Variants in MIS18BP1 observed in about 807,000 individuals in gnomAD.
MIS18BP1 encodes MIS18 binding protein 1.
In MIS18BP1, 72 loss-of-function variants were observed where a neutral mutation model predicts 116.1. The ratio of observed to expected loss-of-function variants is 0.62; its 90% confidence interval spans 0.51 to 0.75. The LOEUF is 0.75. Among genes scored for constraint, MIS18BP1 ranks in the 30% least tolerant of loss-of-function variants. MIS18BP1 has a pLI of 0.00. For synonymous variants in MIS18BP1, 386 were observed against 427.0 expected (o/e 0.90, Z 1.18); for missense variants, 1,363 against 1,303.2 (o/e 1.05, Z -0.71).
At chr14:45,243,266 T>C (rs998970608) in intron 2 of MIS18BP1, among the ~76,000 whole-genome samples, 2 of 152,166 alleles carry the variant, frequency 1.3e-5, no homozygotes, top group African/African-American at 4.8e-5. Context: ...CTGTTTCTGG[T>C]TGCTGTGAAT....
chr14:45,208,696 A>G (rs1890594297), intron 14 of MIS18BP1, among the ~76,000 whole-genome samples: 1 of 152,186 alleles, frequency 6.6e-6, no homozygotes, highest in African/African-American at 2.4e-5. Flanking sequence ...TTTGTCCAAA[A>G]TAGTATTCTC....
intron 4 of MIS18BP1, chr14:45,241,407 T>C (rs982096903): frequency 1.3e-5 from 2 of 152,204 alleles, no homozygotes; most frequent in African/African-American, 2.4e-5. Context: ...GAAGTGGAGG[T>C]TGCAGTGAGC....
Position 45,247,188 on chromosome 14 carries a change from G to A in MIS18BP1, c.99C>T (p.Ser33=). The A allele has an allele frequency of 1.9e-6, 3 of 1,612,618 alleles. No individual in the cohort carries two copies. The highest frequency in any genetic ancestry group is 2.5e-6 in the Non-Finnish European group (3 of 1,179,798). The change falls in exon 2 of 17, where the codon AGC becomes AGT. Residue 33 remains serine (S), a synonymous_variant. Coordinates refer to ENST00000310806, the MANE Select transcript of MIS18BP1 (RefSeq NM_018353.5). ...NLPMDAIFFD[S]IPSGTLTPVK... Reference sequence around the variant, plus strand: ...CAGGAGTAAGTGTGCCTGAAGGAATGCTGTCAAAAAAGATTGCATCCATGG... The same window carrying A: ...CAGGAGTAAGTGTGCCTGAAGGAATACTGTCAAAAAAGATTGCATCCATGG...
Position 45,237,733 on chromosome 14 carries a change from T to C in MIS18BP1, c.1144-12A>G, listed in dbSNP as rs377123303. 8.2e-6 allele frequency: 13 copies of C among 1,585,730 alleles called. No individual in the cohort carries two copies. The highest frequency in any genetic ancestry group is 2.7e-5 in the African/African-American group (2 of 73,004). Reference sequence around the variant, plus strand: ...TGTAGCTGAACTACCTAATCAAGTATAAAACAAAGAACATATTTCCTGTAT... The same window carrying C: ...TGTAGCTGAACTACCTAATCAAGTACAAAACAAAGAACATATTTCCTGTAT... On this transcript the variant is annotated splice_polypyrimidine_tract_variant and intron_variant, in intron 4 of 16. Coordinates refer to ENST00000310806, the MANE Select transcript of MIS18BP1 (RefSeq NM_018353.5).
intron 10 of MIS18BP1, 32 bp downstream of exon 10, chr14:45,226,711 T>C (rs1036686690): frequency 1.5e-6 from 2 of 1,318,444 alleles, no homozygotes; most frequent in Admixed American, 7.8e-5. Context: ...AGCTTTCTGC[T>C]TATGATTAAA....
At chr14:45,241,876 G>A in intron 4 of MIS18BP1, 158 bp downstream of exon 4, 1 of 793,554 alleles carries the variant, frequency 1.3e-6, no homozygotes. Flanking sequence ...TGTCACTGCA[G>A]TAAATAATAA....
intron 5 of MIS18BP1, among the ~76,000 whole-genome samples, chr14:45,236,793 C>T (rs908426117): frequency 1.2e-4 from 19 of 152,130 alleles, no homozygotes; most frequent in Admixed American, 2.0e-4. Context: ...TACCATTATC[C>T]ATATTGCACA....
At chr14:45,251,380 CCAGT>C (rs1461182159) in intron 1 of MIS18BP1, among the ~76,000 whole-genome samples, 2 of 151,854 alleles carry the variant, frequency 1.3e-5, no homozygotes, top group East Asian at 1.9e-4. Flanking sequence ...AGAACGTATC[CCAGT>C]CAGTTACAAG....
chr14:45,232,438 AC>A lies in MIS18BP1; in HGVS notation c.1436+294del, dbSNP rs374409499. On this transcript the variant is annotated intron_variant, in intron 7 of 16. Coordinates refer to ENST00000310806, the MANE Select transcript of MIS18BP1 (RefSeq NM_018353.5). The stretch of plus-strand genomic sequence containing the variant: ...TCTCAAAAAAAAAAAAAAAAAAAAA[AC>A]AACAACAAAAAAACTGGCATTTCAA... 1.3e-3 allele frequency: 299 copies of A among 225,160 alleles called. 1 individual carries two copies. The highest frequency in any genetic ancestry group is 1.2e-3 in the Non-Finnish European group (138 of 116,222). 13.9% of individuals were successfully genotyped at this position (225,160 alleles called of 1,614,324 possible).
intron 8 of MIS18BP1, among the ~76,000 whole-genome samples, chr14:45,230,244 T>C (rs1015735579): frequency 2.0e-5 from 3 of 152,192 alleles, no homozygotes; most frequent in East Asian, 1.9e-4. Flanking sequence ...TGTAAGTTAA[T>C]GTTCATACAT....
intron 8 of MIS18BP1, among the ~76,000 whole-genome samples, chr14:45,230,170 A>C (rs905509632): frequency 6.6e-6 from 1 of 152,202 alleles, no homozygotes; most frequent in South Asian, 2.1e-4. Flanking sequence ...TTAAGGCAAA[A>C]TCAGCAGAAA....
chr14:45,209,221 T>C (rs1181043487), intron 14 of MIS18BP1, among the ~76,000 whole-genome samples: 2 of 152,122 alleles, frequency 1.3e-5, no homozygotes, highest in Non-Finnish European at 2.9e-5. Flanking sequence ...TACATACATA[T>C]AGCTTCTATT....
At chr14:45,205,009 A>G (rs570415512) in intron 15 of MIS18BP1, among the ~76,000 whole-genome samples, 3 of 152,254 alleles carry the variant, frequency 2.0e-5, no homozygotes, top group African/African-American at 7.2e-5. Flanking sequence ...GTAAATGGCA[A>G]GTTTGAAGTA....
chr14:45,223,605 A>T (rs1314603891), intron 11 of MIS18BP1, among the ~76,000 whole-genome samples: 1 of 152,156 alleles, frequency 6.6e-6, no homozygotes, highest in Non-Finnish European at 1.5e-5. Flanking sequence ...AAAAAACAAA[A>T]AAATGCATTT....
intron 13 of MIS18BP1, among the ~76,000 whole-genome samples, chr14:45,211,824 AAG>A (rs1242079117): frequency 6.6e-5 from 10 of 152,200 alleles, no homozygotes; most frequent in Admixed American, 2.0e-4. Context: ...AGCAATAGCC[AAG>A]GTGCCTTTGT....
chr14:45,205,532 C>T (rs74497324), intron 15 of MIS18BP1, among the ~76,000 whole-genome samples: 4,354 of 152,114 alleles, frequency 0.029, 225 homozygotes, highest in African/African-American at 0.099. Flanking sequence ...CTGTCCTAAT[C>T]TTTTCTCTAA....
At position 45,246,954 on chromosome 14, in the gene MIS18BP1, T is replaced by C; in HGVS notation, c.333A>G (p.Pro111=). ...GLKNKANYES[P]GKIFLRMKEK... is the part of the protein sequence containing the mutation. ...CTTTCATTCTTAGAAATATTTTTCC[T>C]GGTGATTCATAGTTTGCTTTATTTT... The change falls in exon 2 of 17, where the codon CCA becomes CCG. Residue 111 remains proline (P), a synonymous_variant. Coordinates refer to ENST00000310806, the MANE Select transcript of MIS18BP1 (RefSeq NM_018353.5). 4.4e-6 allele frequency: 7 copies of C among 1,605,166 alleles called. No individual in the cohort carries two copies. The highest frequency in any genetic ancestry group is 5.9e-6 in the Non-Finnish European group (7 of 1,177,940).
At position 45,247,344 on chromosome 14, in the gene MIS18BP1, T is replaced by C; in HGVS notation, c.-58A>G. On this transcript the variant is annotated 5_prime_UTR_variant, in exon 2 of 17. Transcript: ENST00000310806. ...ACAGAAAATTCACTTAAGCGCAATT[T>C]TCAGATAGAACTTCAGAAGGGATCC... is the stretch of plus-strand genomic sequence containing the variant. 1 of 1,434,894 alleles carries C rather than the reference T, an allele frequency of 7.0e-7. No homozygotes were observed. The highest frequency in any genetic ancestry group is 9.3e-7 in the Non-Finnish European group (1 of 1,076,050). The allele number at this position is 1,434,894 out of a possible 1,614,324, so 88.9% of individuals were successfully genotyped here. A position where few individuals can be genotyped will look rare whatever the true frequency, so the allele number is the denominator to read the frequency against.
At chr14:45,217,236 A>G in intron 12 of MIS18BP1, 57 bp from the exon 13 acceptor site, 1 of 1,558,546 alleles carries the variant, frequency 6.4e-7, no homozygotes, top group Non-Finnish European at 8.7e-7. Context: ...TAACTGCTCT[A>G]TAAAGTTAAC....
Sources: allele counts gnomAD v4.1 joint callset (sites outside exome capture counted in the v4.1 genomes callset), GRCh38; gene constraint gnomAD v4.1.1; transcripts MANE v1.5; gene names NCBI Gene and HGNC (gene_info 2026-07-23, HGNC 2026-07-21).